STAC: variants seen among roughly 807,000 people sequenced by gnomAD.
STAC encodes SH3 and cysteine rich domain.
Under a neutral mutation model 48.8 loss-of-function variants are expected in STAC, and 43 were observed. The ratio of observed to expected loss-of-function variants is 0.88; its 90% CI spans 0.69 to 1.14. The LOEUF is 1.14. Ranked by LOEUF, STAC falls within the 50% of genes most tolerant of loss-of-function variation. The pLI is 0.00. For missense variants in STAC, 497 were observed against 504.0 expected, an observed-to-expected ratio of 0.99 and a Z score of 0.13; for synonymous variants, 193 against 179.5, an observed-to-expected ratio of 1.07 and a Z score of -0.60.
At chr3:36,428,089 T>G (rs1700609335) in intron 1 of STAC, among the ~76,000 whole-genome samples, 1 of 152,212 alleles carries the variant, frequency 6.6e-6, no homozygotes, top group Non-Finnish European at 1.5e-5. Flanking sequence ...TTTTTAATGC[T>G]ATGAAAGGTG....
chr3:36,461,001 A>C (rs1020265054), intron 2 of STAC, among the ~76,000 whole-genome samples: 3 of 152,222 alleles, frequency 2.0e-5, no homozygotes, highest in African/African-American at 7.2e-5. Flanking sequence ...AGGAAATATG[A>C]GTAAGCAAAA....
At chr3:36,498,543 C>G (rs1698203834) in intron 6 of STAC, among the ~76,000 whole-genome samples, 1 of 152,092 alleles carries the variant, frequency 6.6e-6, no homozygotes, top group African/African-American at 2.4e-5. Context: ...TGCTTGAGCC[C>G]GGGAGTTTGA....
At position 36,482,984 on chromosome 3, in the gene STAC, C is replaced by T. The variant is rs2125699682; in HGVS notation, c.389-8C>T. 2 of 1,611,316 alleles carry T rather than the reference C, an allele frequency of 1.2e-6. No individual in the cohort carries two copies. Among genetic ancestry groups the T allele is most frequent in the Middle Eastern group, 1.7e-4 (1 of 6,054 alleles). On this transcript the variant is annotated splice_polypyrimidine_tract_variant and splice_region_variant and intron_variant, in intron 2 of 10. Coordinates refer to ENST00000273183, the MANE Select transcript of STAC (RefSeq NM_003149.3). ...TATCCTAACCAAAGTTTGCCATGTA[C>T]CTGACAGGAACAAATGCTAAGCATG...
intron 1 of STAC, among the ~76,000 whole-genome samples, chr3:36,410,944 C>T (rs1016568284): frequency 5.9e-5 from 9 of 152,226 alleles, no homozygotes; most frequent in African/African-American, 2.2e-4. Context: ...CAGATCTTCA[C>T]ATGGATGTCT....
intron 1 of STAC, among the ~76,000 whole-genome samples, chr3:36,434,484 T>C (rs1383330997): frequency 1.3e-5 from 2 of 152,210 alleles, no homozygotes; most frequent in Non-Finnish European, 2.9e-5. Flanking sequence ...ATGACTTCAT[T>C]TCAACTCAGA....
chr3:36,440,586 A>C (rs1696316960), intron 1 of STAC, among the ~76,000 whole-genome samples: 1 of 152,222 alleles, frequency 6.6e-6, no homozygotes, highest in South Asian at 2.1e-4. Flanking sequence ...AACTGCCTTA[A>C]AATTACTTCT....
At chr3:36,390,744 AT>A (rs1699738001) in intron 1 of STAC, among the ~76,000 whole-genome samples, 1 of 151,966 alleles carries the variant, frequency 6.6e-6, no homozygotes, top group South Asian at 2.1e-4. Flanking sequence ...GAATGTTTTT[AT>A]TTTGTTTTTG....
intron 1 of STAC, among the ~76,000 whole-genome samples, chr3:36,396,464 C>G (rs529962944): frequency 1.3e-5 from 2 of 152,184 alleles, no homozygotes; most frequent in East Asian, 3.9e-4. Flanking sequence ...CAAAGTTAGT[C>G]ACTACTTTTT....
chr3:36,467,618 A>G (rs1413147891), intron 2 of STAC, among the ~76,000 whole-genome samples: 1 of 152,098 alleles, frequency 6.6e-6, no homozygotes, highest in Non-Finnish European at 1.5e-5. Context: ...TAGGTTTTCT[A>G]GATTATCCAC....
rs1476814693 is a variant in STAC at position 36,432,704 on chromosome 3, A to G, written c.112-10660A>G. On this transcript the variant is annotated intron_variant, in intron 1 of 10. Coordinates refer to ENST00000273183, the MANE Select transcript of STAC (RefSeq NM_003149.3). ...GGTGACAGAGTGAGACTCCGTCTCA[A>G]AAAAAAAAAAAAACTGTCGCTTTAT... Among the ~76,000 whole-genome samples the G allele has an allele frequency of 4.1e-5, 6 of 144,580 alleles. 1 individual carries two copies. Among genetic ancestry groups the G allele is most frequent in the East Asian group, 3.9e-4 (2 of 5,086 alleles). The allele number at this position is 144,580 out of a possible 152,430, so 94.9% of individuals were successfully genotyped here. A position where few individuals can be genotyped will look rare whatever the true frequency, so the allele number is the denominator to read the frequency against.
chr3:36,513,448 C>G (rs539460442), intron 8 of STAC, among the ~76,000 whole-genome samples: 2 of 152,302 alleles, frequency 1.3e-5, no homozygotes, highest in South Asian at 4.2e-4. Flanking sequence ...TCCCCACCTT[C>G]ATATCTTACC....
At chr3:36,541,983 T>G (rs139469839) in intron 10 of STAC, among the ~76,000 whole-genome samples, 87 of 151,678 alleles carry the variant, frequency 5.7e-4, no homozygotes, top group Admixed American at 1.6e-3. Context: ...AGTCTCTTTA[T>G]GTTAGAGAGA....
chr3:36,479,610 A>C (rs73827539), intron 2 of STAC, among the ~76,000 whole-genome samples: 4,727 of 152,272 alleles, frequency 0.031, 222 homozygotes, highest in African/African-American at 0.11. Context: ...CTTTTGCATA[A>C]ATTATCATAC....
intron 6 of STAC, among the ~76,000 whole-genome samples, chr3:36,497,557 C>T (rs73827548): frequency 6.6e-6 from 1 of 151,978 alleles, no homozygotes; most frequent in South Asian, 2.1e-4. Context: ...TGGGGAGTGG[C>T]CAGGGTATTA....
intron 1 of STAC, among the ~76,000 whole-genome samples, chr3:36,426,857 A>C (rs1023926248): frequency 1.1e-5 from 1 of 89,044 alleles, no homozygotes; most frequent in African/African-American, 7.3e-5. Flanking sequence ...AATTCTGTTC[A>C]TCACCTCTCG....
chr3:36,510,902 T>C (rs559454980), intron 8 of STAC, among the ~76,000 whole-genome samples: 16 of 151,864 alleles, frequency 1.1e-4, no homozygotes, highest in Non-Finnish European at 2.2e-4. Context: ...CACATGTATA[T>C]CTATGTAACA....
At chr3:36,441,236 A>G (rs1386338044) in intron 1 of STAC, among the ~76,000 whole-genome samples, 1 of 151,926 alleles carries the variant, frequency 6.6e-6, no homozygotes, top group Non-Finnish European at 1.5e-5. Context: ...ATCTCTCCCT[A>G]TCCTCCCTTC....
chr3:36,498,371 C>A (rs1251094703), intron 6 of STAC, among the ~76,000 whole-genome samples: 1 of 151,890 alleles, frequency 6.6e-6, no homozygotes, highest in Non-Finnish European at 1.5e-5. Flanking sequence ...AGTTAGGAAG[C>A]CAAAGCAGTA....
chr3:36,492,031 AATATATATATATATATATATAT>A lies in STAC; in HGVS notation c.688-1105_688-1084del, dbSNP rs11267408. Among the ~76,000 whole-genome samples the A allele has an allele frequency of 4.7e-3, 77 of 16,426 alleles. 3 individuals are homozygous for A. Among genetic ancestry groups the A allele is most frequent in the African/African-American group, 0.013 (68 of 5,302 alleles). 10.8% of individuals were successfully genotyped at this position (16,426 alleles called of 152,430 possible). The stretch of plus-strand genomic sequence containing the variant: ...AAAAAAAAAAAAAAAAAAAAAAAAA[AATATATATATATATATATATAT>A]ATATATATATATATGTGACTGTCCT... On this transcript the variant is annotated intron_variant, in intron 5 of 10. Coordinates refer to ENST00000273183, the MANE Select transcript of STAC (RefSeq NM_003149.3).
Sources: gnomAD v4.1 joint callset for allele counts (sites outside exome capture counted in the v4.1 genomes callset) on GRCh38, gnomAD v4.1.1 for gene constraint, MANE v1.5 for transcripts, NCBI Gene and HGNC (gene_info 2026-07-23, HGNC 2026-07-21) for gene names.